Variants in KLHL29 observed in about 807,000 individuals in gnomAD.
KLHL29 encodes the protein kelch like family member 29, also known as kelch-like protein 29.
Under a neutral mutation model 80.4 loss-of-function variants are expected in KLHL29, and 21 were observed. The observed-to-expected ratio is 0.26, with a 90% CI of 0.19 to 0.38. The LOEUF (loss-of-function observed/expected upper bound fraction) is 0.38, where lower values mean the gene tolerates loss of function less well. KLHL29 is among the 10% of genes least tolerant of loss of function. The probability of loss-of-function intolerance (pLI) is 1.00; values close to 1 mark genes in which losing one functional copy is unlikely to be tolerated. For synonymous variants in KLHL29, 511 were observed against 526.8 expected (o/e 0.97, Z 0.41); for missense variants, 867 against 1,223.9 (o/e 0.71, Z 4.35).
At chr2:23,446,655 T>C (rs1249722087) in intron 1 of KLHL29, among the ~76,000 whole-genome samples, 1 of 152,240 alleles carries the variant, frequency 6.6e-6, no homozygotes, top group Non-Finnish European at 1.5e-5. Flanking sequence ...TACTGAGGGA[T>C]GTGCTAAGGA....
At chr2:23,662,242 T>G (rs947257839) in intron 5 of KLHL29, among the ~76,000 whole-genome samples, 2 of 152,132 alleles carry the variant, frequency 1.3e-5, no homozygotes, top group Non-Finnish European at 2.9e-5. Flanking sequence ...TTCATCTCAG[T>G]TTTTCTGCCC....
intron 5 of KLHL29, among the ~76,000 whole-genome samples, chr2:23,656,896 A>G (rs1355940864): frequency 6.6e-6 from 1 of 150,696 alleles, no homozygotes; most frequent in East Asian, 2.0e-4. Flanking sequence ...GGTTTGGAAC[A>G]GTCCTGTTTC....
At chr2:23,471,431 TA>T (rs1003945841) in intron 1 of KLHL29, among the ~76,000 whole-genome samples, 20 of 152,208 alleles carry the variant, frequency 1.3e-4, no homozygotes, top group Non-Finnish European at 2.2e-4. Context: ...GACTTAGAGG[TA>T]AAATGGATCT....
intron 1 of KLHL29, among the ~76,000 whole-genome samples, chr2:23,452,908 C>CACA (rs1553325457): frequency 8.4e-6 from 1 of 119,110 alleles, no homozygotes; most frequent in East Asian, 3.8e-4. Flanking sequence ...GGTCACCCCC[C>CACA]CGCCCACACA....
chr2:23,501,314 A>C (rs867294273), intron 2 of KLHL29, among the ~76,000 whole-genome samples: 1 of 151,984 alleles, frequency 6.6e-6, no homozygotes. Context: ...GGGCTGATAC[A>C]AATTGGATTG....
At chr2:23,573,894 C>T (rs1667779056) in intron 3 of KLHL29, among the ~76,000 whole-genome samples, 1 of 152,172 alleles carries the variant, frequency 6.6e-6, no homozygotes, top group South Asian at 2.1e-4. Context: ...GCACTCCAGC[C>T]CCCGCTTTCA....
intron 1 of KLHL29, among the ~76,000 whole-genome samples, chr2:23,430,993 AGG>A (rs1663160152): frequency 6.6e-6 from 1 of 152,252 alleles, no homozygotes; most frequent in Admixed American, 6.5e-5. Flanking sequence ...CTACACTGAA[AGG>A]ATGCAGACTT....
chr2:23,461,816 T>A (rs533689937), intron 1 of KLHL29, among the ~76,000 whole-genome samples: 125 of 152,186 alleles, frequency 8.2e-4, no homozygotes, highest in African/African-American at 2.9e-3. Context: ...GCGATGATCC[T>A]GCTTTTCAGG....
chr2:23,644,159 A>G (rs892969593), intron 5 of KLHL29: 3 of 152,230 alleles, frequency 2.0e-5, no homozygotes, highest in Non-Finnish European at 4.4e-5. Context: ...AAATGACAAA[A>G]TTGTAGAAAA....
At chr2:23,423,511 G>A (rs1662908141) in intron 1 of KLHL29, among the ~76,000 whole-genome samples, 1 of 152,220 alleles carries the variant, frequency 6.6e-6, no homozygotes, top group Admixed American at 6.5e-5. Flanking sequence ...ATTCTCAAAC[G>A]ACTTAAAGCA....
intron 5 of KLHL29, among the ~76,000 whole-genome samples, chr2:23,649,181 A>G (rs1670020280): frequency 1.3e-5 from 2 of 152,174 alleles, no homozygotes; most frequent in African/African-American, 4.8e-5. Flanking sequence ...ATGGCTCACA[A>G]CATGGATCTG....
At chr2:23,488,162 G>A (rs777203146) in intron 2 of KLHL29, among the ~76,000 whole-genome samples, 10 of 152,214 alleles carry the variant, frequency 6.6e-5, no homozygotes, top group Non-Finnish European at 1.0e-4. Flanking sequence ...GGTGGGCTTC[G>A]CAATAACACA....
At chr2:23,597,280 C>A (rs1240016394) in intron 3 of KLHL29, among the ~76,000 whole-genome samples, 8 of 1,004 alleles carry the variant, frequency 8.0e-3, no homozygotes, top group African/African-American at 0.039. Flanking sequence ...CGCTCTCAAT[C>A]TATCTCTCTC....
chr2:23,443,133 TACCTACC>T (rs1313571907), intron 1 of KLHL29, among the ~76,000 whole-genome samples: 1 of 152,188 alleles, frequency 6.6e-6, no homozygotes, highest in Non-Finnish European at 1.5e-5. Context: ...CATTTAGGGA[TACCTACC>T]ACCTAGATTC....
chr2:23,579,105 G>A (rs1667917949), intron 3 of KLHL29, among the ~76,000 whole-genome samples: 1 of 152,164 alleles, frequency 6.6e-6, no homozygotes, highest in Non-Finnish European at 1.5e-5. Flanking sequence ...TTGTTCTTTT[G>A]TTTTTTAAGC....
rs1671972322 is a variant in KLHL29 at position 23,696,581 on chromosome 2, C to T, written c.2105+68C>T. On this transcript the variant is annotated intron_variant, in intron 11 of 13. Transcript: ENST00000486442. The surrounding 1 kb of genome is among the most constrained non-coding windows in gnomAD (Gnocchi z 5.5). ...CCAAGAACTGAAATCACGTCACTCA[C>T]TGTACCTCCCAACACCCACTCAGTG... 7.9e-7 allele frequency: 1 copy of T among 1,263,106 alleles called. No individual in the cohort carries two copies. The highest frequency in any genetic ancestry group is 1.1e-6 in the Non-Finnish European group (1 of 919,276). 78.2% of individuals were successfully genotyped at this position (1,263,106 alleles called of 1,614,324 possible). A position where few individuals can be genotyped will look rare whatever the true frequency, so the allele number is the denominator to read the frequency against.
Position 23,505,445 on chromosome 2 carries a change from G to A in KLHL29, c.-46+29778G>A, listed in dbSNP as rs139187608. Among the ~76,000 whole-genome samples, 1,244 of 152,322 alleles carry A rather than the reference G, an allele frequency of 8.2e-3. 8 individuals are homozygous for A. Among genetic ancestry groups the A allele is most frequent in the Middle Eastern group, 0.02 (6 of 294 alleles). On this transcript the variant is annotated intron_variant, in intron 2 of 13. Transcript: ENST00000486442. The stretch of plus-strand genomic sequence containing the variant: ...CCTTCCCTTCCTGCAGGGGCATCAT[G>A]GCTGCAGGTGTGCCGCTTCTCCCCT...
rs1040704593 is a variant in KLHL29, at chr2:23,563,742, G to A, written c.285+1261G>A. Among the ~76,000 whole-genome samples the A allele has an allele frequency of 4.6e-5, 7 of 152,368 alleles. No homozygotes were observed. The East Asian group carries it at 1.2e-3, about 25-fold the overall frequency. On this transcript the variant is annotated intron_variant, in intron 3 of 13. Transcript: ENST00000486442. The stretch of plus-strand genomic sequence containing the variant: ...CCGGCCACAGAGCCTGGCAGAGGCT[G>A]AGACAATGGAGCTATTGGAGGCTGG...
chr2:23,464,614 A>T (rs928032256), intron 1 of KLHL29, among the ~76,000 whole-genome samples: 8 of 152,110 alleles, frequency 5.3e-5, no homozygotes, highest in African/African-American at 1.9e-4. Flanking sequence ...GTTCTGCTTG[A>T]CAAGAGAGGC....
Sources: gnomAD v4.1 joint callset for allele counts (sites outside exome capture counted in the v4.1 genomes callset) on GRCh38, gnomAD v4.1.1 for gene constraint, Gnocchi (gnomAD v3.1) non-coding constraint, MANE v1.5 for transcripts, NCBI Gene and HGNC (gene_info 2026-07-23, HGNC 2026-07-21) for gene names.